STK31: variants seen among roughly 807,000 people sequenced by gnomAD.
STK31 encodes serine/threonine kinase 31.
Under a neutral mutation model 129.7 loss-of-function variants are expected in STK31, and 89 were observed. The ratio of observed to expected loss-of-function variants is 0.69; its 90% CI spans 0.58 to 0.82. The LOEUF is 0.82. Ranked by LOEUF, STK31 falls within the 40% of genes least tolerant of loss-of-function variation. The pLI, the probability that STK31 is intolerant of heterozygous loss-of-function variation, is 0.00. For missense variants in STK31, 1,187 were observed against 1,176.4 expected, an observed-to-expected ratio of 1.01 and a Z score of -0.13; for synonymous variants, 448 against 395.3, an observed-to-expected ratio of 1.13 and a Z score of -1.58.
At chr7:23,821,535 A>C (rs919599289) in intron 23 of STK31, among the ~76,000 whole-genome samples, 1 of 152,030 alleles carries the variant, frequency 6.6e-6, no homozygotes, top group African/African-American at 2.4e-5. Context: ...AGTTTCTTGT[A>C]TATTCTGGAT....
rs1022845254 is a variant in STK31, at chr7:23,790,778, C to G, written c.2638-46C>G. 6.0e-6 allele frequency: 9 copies of G among 1,491,618 alleles called. No individual in the cohort carries two copies. The East Asian group carries it at 7.3e-5, about 12-fold the overall frequency. The allele number at this position is 1,491,618 out of a possible 1,614,324, so 92.4% of individuals were successfully genotyped here. On this transcript the variant is annotated intron_variant, in intron 21 of 23. Transcript: ENST00000355870. ...ATGCAGAGTACTTCACAGAAAGTCA[C>G]CTCAACTGTGTTGTATCTGAAATAT...
At chr7:23,727,466 C>A in intron 5 of STK31, 151 bp downstream of exon 5, 17 of 544,730 alleles carry the variant, frequency 3.1e-5, no homozygotes, top group Non-Finnish European at 4.2e-5. Flanking sequence ...TGCTAAAAAA[C>A]ATGTTGTTTT....
intron 11 of STK31, among the ~76,000 whole-genome samples, chr7:23,764,886 A>C (rs550188756): frequency 1.3e-5 from 2 of 152,126 alleles, no homozygotes; most frequent in Non-Finnish European, 2.9e-5. Context: ...ACCTAAACTA[A>C]AAGTCAAAAA....
At chr7:23,806,142 T>C (rs570027056) in intron 22 of STK31, among the ~76,000 whole-genome samples, 1 of 152,306 alleles carries the variant, frequency 6.6e-6, no homozygotes, top group South Asian at 2.1e-4. Context: ...GGGAAATAAG[T>C]TACCAGTAAA....
chr7:23,777,410 C>G (rs753495369), intron 15 of STK31, among the ~76,000 whole-genome samples: 2 of 151,882 alleles, frequency 1.3e-5, no homozygotes, highest in African/African-American at 2.4e-5. Flanking sequence ...TCTGTCTAGT[C>G]TAATACTGAC....
intron 13 of STK31, among the ~76,000 whole-genome samples, chr7:23,770,683 T>G (rs1350454230): frequency 6.6e-6 from 1 of 152,082 alleles, no homozygotes; most frequent in African/African-American, 2.4e-5. Flanking sequence ...GATGTGATCC[T>G]AGCTCACTGC....
chr7:23,717,601 A>G, intron 4 of STK31, 22 bp downstream of exon 4: 1 of 1,548,226 alleles, frequency 6.5e-7, no homozygotes, highest in Non-Finnish European at 8.9e-7. Context: ...TCTTGAATAT[A>G]ATTATTTCAT....
chr7:23,830,964 T>C (rs1794509763), intron 23 of STK31, among the ~76,000 whole-genome samples: 3 of 152,164 alleles, frequency 2.0e-5, no homozygotes, highest in African/African-American at 7.2e-5. Context: ...TTGTTGATTT[T>C]TAGTTTTCCA....
At chr7:23,710,541 C>G (rs1676167513) in intron 1 of STK31, 2 of 1,426,814 alleles carry the variant, frequency 1.4e-6, no homozygotes, top group Non-Finnish European at 1.8e-6. Flanking sequence ...GAAAAGACCT[C>G]CGGCCTGAAT....
intron 22 of STK31, among the ~76,000 whole-genome samples, chr7:23,805,557 C>G (rs1345728373): frequency 6.6e-6 from 1 of 152,204 alleles, no homozygotes; most frequent in East Asian, 1.9e-4. Flanking sequence ...CTATACAGCT[C>G]ATTGCAGCCT....
intron 22 of STK31, among the ~76,000 whole-genome samples, chr7:23,797,797 C>A (rs979036303): frequency 8.6e-5 from 13 of 151,980 alleles, no homozygotes; most frequent in African/African-American, 3.1e-4. Flanking sequence ...CATGAAAAAC[C>A]CTTCAAAAAA....
chr7:23,781,583 C>A, intron 16 of STK31, 63 bp downstream of exon 16: 2 of 1,224,682 alleles, frequency 1.6e-6, no homozygotes, highest in Non-Finnish European at 2.4e-6. Flanking sequence ...ATTTAAATAC[C>A]CGTTTTATGA....
chr7:23,828,987 C>T (rs1794376502), intron 23 of STK31, among the ~76,000 whole-genome samples: 1 of 151,930 alleles, frequency 6.6e-6, no homozygotes, highest in African/African-American at 2.4e-5. Context: ...GCAACCTCCA[C>T]CTCCTGGGTT....
chr7:23,724,219 C>T (rs1786909673), intron 4 of STK31, among the ~76,000 whole-genome samples: 1 of 152,122 alleles, frequency 6.6e-6, no homozygotes, highest in South Asian at 2.1e-4. Flanking sequence ...GAAAAAAATC[C>T]TGGGAACTTC....
At chr7:23,716,330 ATGATG>A (rs1387979589) in intron 3 of STK31, among the ~76,000 whole-genome samples, 1 of 152,190 alleles carries the variant, frequency 6.6e-6, no homozygotes, top group Non-Finnish European at 1.5e-5. Context: ...TTGGGGTTTC[ATGATG>A]TGATATACCT....
chr7:23,721,691 G>A (rs1454057493), intron 4 of STK31: 18 of 798,646 alleles, frequency 2.3e-5, no homozygotes, highest in South Asian at 1.3e-4. Context: ...CACAGAATCT[G>A]GTTTACCATT....
Position 23,768,999 on chromosome 7 carries a change from T to C in STK31, c.1421T>C (p.Leu474Ser). ...CAGAAGTATATCTCTCTGCAGGATT[T>C]GTCAGTCTCTTTAGAAGCAGTGTAT... ...LNKRLKTLQD[L>S]SVSLEAVYGQ... Residue 474 changes from leucine (L) to serine (S), a missense_variant, in exon 12 of 24, where the codon TTG (leucine) becomes TCG (serine). This residue lies in a region of STK31 where 975 missense variants were observed against 934.9 expected (regional missense o/e 1.04). Transcript: ENST00000355870. The C allele has an allele frequency of 6.3e-7, 1 of 1,590,184 alleles. No homozygotes were observed. The highest frequency in any genetic ancestry group is 8.5e-7 in the Non-Finnish European group (1 of 1,171,356).
intron 8 of STK31, among the ~76,000 whole-genome samples, chr7:23,750,067 T>TCCACCCCCCCCCCCCCCCCC (rs1554287953): frequency 1.1e-5 from 1 of 90,556 alleles, no homozygotes; most frequent in Non-Finnish European, 2.3e-5. Context: ...ATGGTTTGTT[T>TCCACCCCCCCCCCCCCCCCC]CCCCCCCCGC....
At chr7:23,818,475 T>C (rs1374306244) in intron 23 of STK31, among the ~76,000 whole-genome samples, 1 of 152,192 alleles carries the variant, frequency 6.6e-6, no homozygotes, top group East Asian at 1.9e-4. Context: ...ATTTTGTATG[T>C]ACAGGGGTAT....
Sources: gnomAD v4.1 joint callset for allele counts (sites outside exome capture counted in the v4.1 genomes callset) on GRCh38, gnomAD v4.1.1 for gene constraint, gnomAD v4.1.1 regional missense constraint, MANE v1.5 for transcripts, NCBI Gene and HGNC (gene_info 2026-07-23, HGNC 2026-07-21) for gene names.